The following ROS1 variants were observed in gnomAD, a reference collection of about 807,000 sequenced individuals.
The protein encoded by ROS1 is ROS proto-oncogene 1, receptor tyrosine kinase, also known as proto-oncogene tyrosine-protein kinase ROS.
A neutral mutation model predicts 273.5 loss-of-function variants in ROS1; 263 were observed. That is an observed-to-expected ratio of 0.96 (90% CI 0.87 to 1.06). The LOEUF is 1.06. Ranked by LOEUF, ROS1 falls within the 50% of genes least tolerant of loss-of-function variation. The probability of loss-of-function intolerance (pLI) is 0.00; values close to 1 mark genes in which losing one functional copy is unlikely to be tolerated. For missense variants in ROS1, 2,833 were observed against 2,751.1 expected (o/e 1.03, Z -0.67); for synonymous variants, 1,008 against 954.1 (o/e 1.06, Z -1.04).
rs142826369 is a variant in ROS1 at position 117,359,871 on chromosome 6, C to T, written c.3571G>A (p.Gly1191Arg). The change falls in exon 24 of 44, where the codon GGA (glycine) becomes AGA (arginine). Residue 1191 changes from glycine to arginine, a missense_variant. Transcript: ENST00000368507. ...AGTGAGTCCCCTTCAGCATAATATC[C>T]CATCTCATTATCAGCTGTGTAGCAA... ...AVCYTADNEM[G>R]YYAEGDSLFL... is the part of the protein sequence containing the mutation. 4.5e-5 allele frequency: 72 copies of T among 1,613,714 alleles called. No individual in the cohort carries two copies. Among genetic ancestry groups the T allele is most frequent in the Non-Finnish European group, 5.9e-5 (70 of 1,179,904 alleles).
In ROS1 at chr6:117,358,000, C is replaced by G; in HGVS notation, c.3643G>C (p.Asp1215His). The G allele has an allele frequency of 6.2e-7, 1 of 1,611,530 alleles. No individual in the cohort carries two copies. Among genetic ancestry groups the G allele is most frequent in the South Asian group, 1.1e-5 (1 of 90,890 alleles). The stretch of plus-strand genomic sequence containing the variant: ...ACTGTGATATCAAAAACCAGTGAAT[C>G]TTGGAAAAGCTTAACAACAGGTAGA... ...HNRSSSELFQ[D>H]SLVFDITVIT... The change falls in exon 25 of 44, where the codon GAT becomes CAT. Residue 1215 changes from aspartate (D) to histidine (H), a missense_variant. Transcript: ENST00000368507.
chr6:117,316,324 C>T (rs1040118986), intron 39 of ROS1, among the ~76,000 whole-genome samples: 1 of 151,560 alleles, frequency 6.6e-6, no homozygotes, highest in Non-Finnish European at 1.5e-5. Context: ...AGGAATGAGG[C>T]AGTGCACAGG....
Position 117,356,770 on chromosome 6 carries a change from A to T in ROS1, c.3985T>A (p.Phe1329Ile), listed in dbSNP as rs1438970357. ...ATAGCCATTGCTCCACTTAACTCAA[A>T]TTCAGTCACATTACAAGAACATTGA... is the stretch of plus-strand genomic sequence containing the variant. Reference protein sequence around the residue: ...RNQCSCNVTEFELSGAMAIDT... With the variant: ...RNQCSCNVTEIELSGAMAIDT... The change falls in exon 26 of 44, where the codon TTT (phenylalanine) becomes ATT (isoleucine). Residue 1329 changes from phenylalanine to isoleucine, a missense_variant. Phe to Ile is a conservative substitution (Grantham distance 21). Coordinates refer to ENST00000368507, the MANE Select transcript of ROS1 (RefSeq NM_001378902.1). 1 of 1,614,164 alleles carries T rather than the reference A, an allele frequency of 6.2e-7. No individual in the cohort carries two copies.
chr6:117,297,812 G>T (rs1341307703), intron 43 of ROS1, among the ~76,000 whole-genome samples: 1 of 152,136 alleles, frequency 6.6e-6, no homozygotes, highest in Non-Finnish European at 1.5e-5. Flanking sequence ...ACAGTATGGA[G>T]ATTTCTCAAA....
At chr6:117,410,689 T>G (rs1387250727) in intron 4 of ROS1, among the ~76,000 whole-genome samples, 2 of 152,176 alleles carry the variant, frequency 1.3e-5, no homozygotes, top group Non-Finnish European at 2.9e-5. Context: ...TAGGACAACA[T>G]GCTATTGTTT....
rs773904563 is a variant in ROS1, at chr6:117,342,545, C to G, written c.4507-1G>C. ...TAAGAGCTATACTGTCCTGAAATTCCTGTAATTGATTTTTTAAAAATCAAC... is the reference window on the plus strand; with the variant it reads ...TAAGAGCTATACTGTCCTGAAATTCGTGTAATTGATTTTTTAAAAATCAAC... On this transcript the variant is annotated splice_acceptor_variant, in intron 28 of 43. Transcript: ENST00000368507. LOFTEE classifies it high-confidence loss of function. The G allele has an allele frequency of 3.4e-6, 5 of 1,466,032 alleles. No homozygotes were observed. The South Asian group carries it at 7.0e-5, about 21-fold the overall frequency. The allele number at this position is 1,466,032 out of a possible 1,614,324, so 90.8% of individuals were successfully genotyped here.
chr6:117,310,035 T>C (rs1283050945), intron 41 of ROS1, 46 bp downstream of exon 41: 2 of 1,498,754 alleles, frequency 1.3e-6, no homozygotes, highest in East Asian at 2.3e-5. Context: ...TCCCCTCTAA[T>C]GTTTGATGAT....
In ROS1 at chr6:117,326,480, GATC is replaced by G. The variant is rs549115175; in HGVS notation, c.5349-69_5349-67del. The G allele has an allele frequency of 8.4e-4, 842 of 996,550 alleles. 7 individuals are homozygous for G. In the Middle Eastern group the frequency reaches 0.015, roughly 17 times the overall value. The allele number at this position is 996,550 out of a possible 1,614,324, so 61.7% of individuals were successfully genotyped here. A position where few individuals can be genotyped will look rare whatever the true frequency, so the allele number is the denominator to read the frequency against. On this transcript the variant is annotated intron_variant, in intron 33 of 43. Transcript: ENST00000368507. ...TACCTGTTATTTCTAGTTGTTCATA[GATC>G]TTCTTAGTGACTGAACGCCAGAGAG...
chr6:117,321,015 G>C (rs996333467), intron 36 of ROS1, among the ~76,000 whole-genome samples: 13 of 151,968 alleles, frequency 8.6e-5, no homozygotes, highest in Non-Finnish European at 1.9e-4. Context: ...TCTTTCATTT[G>C]TTTTTGAGCT....
intron 32 of ROS1, among the ~76,000 whole-genome samples, chr6:117,330,367 G>A (rs1316444800): frequency 2.0e-5 from 3 of 152,204 alleles, no homozygotes; most frequent in East Asian, 1.9e-4. Flanking sequence ...CAGTCTCTGC[G>A]GACCAACAGA....
intron 33 of ROS1, among the ~76,000 whole-genome samples, chr6:117,327,744 A>G (rs1354845364): frequency 6.6e-6 from 1 of 152,246 alleles, no homozygotes; most frequent in Non-Finnish European, 1.5e-5. Context: ...GACCTTGTTT[A>G]GAAATAAGAT....
chr6:117,314,752 C>T (rs942115966), intron 39 of ROS1, among the ~76,000 whole-genome samples: 15 of 152,088 alleles, frequency 9.9e-5, no homozygotes, highest in East Asian at 1.9e-4. Context: ...AGAGGAGAAA[C>T]GAGCAATTTC....
chr6:117,356,829 T>C lies in ROS1; in HGVS notation c.3926A>G (p.Gln1309Arg). The C allele has an allele frequency of 6.2e-7, 1 of 1,614,164 alleles. No individual in the cohort carries two copies. Among genetic ancestry groups the C allele is most frequent in the Non-Finnish European group, 8.5e-7 (1 of 1,180,032 alleles). ...GTTTTGTTGGTTTGTAGCTGTGGGT[T>C]GCAGAATTCGGTGCAAGGTGTGACT... ...IISHTLHRIL[Q>R]PTATNQQNKR... Residue 1309 changes from glutamine to arginine, a missense_variant, in exon 26 of 44, where the codon CAA becomes CGA. Physicochemically the swap from Gln to Arg is conservative, Grantham distance 43. Transcript: ENST00000368507.
intron 43 of ROS1, among the ~76,000 whole-genome samples, chr6:117,291,078 C>T (rs1264280735): frequency 6.6e-6 from 1 of 152,178 alleles, no homozygotes; most frequent in Non-Finnish European, 1.5e-5. Context: ...AGTTTTTTCT[C>T]TCTTCCCTGC....
intron 11 of ROS1, among the ~76,000 whole-genome samples, chr6:117,393,774 G>A (rs902268772): frequency 8.5e-5 from 13 of 152,144 alleles, no homozygotes; most frequent in African/African-American, 3.1e-4. Context: ...CAGTACTACT[G>A]TGTTTTTGGA....
At chr6:117,410,994 CA>C (rs1774857173) in intron 4 of ROS1, among the ~76,000 whole-genome samples, 2 of 152,090 alleles carry the variant, frequency 1.3e-5, no homozygotes, top group South Asian at 2.1e-4. Flanking sequence ...TATTATATAA[CA>C]TGAGGGGTTT....
intron 4 of ROS1, among the ~76,000 whole-genome samples, chr6:117,412,996 T>G (rs185284052): frequency 6.6e-6 from 1 of 152,254 alleles, no homozygotes; most frequent in East Asian, 1.9e-4. Flanking sequence ...TCTCTTTACA[T>G]ATGGGTGACT....
At chr6:117,378,719 A>G (rs1781542411) in intron 18 of ROS1, among the ~76,000 whole-genome samples, 1 of 152,042 alleles carries the variant, frequency 6.6e-6, no homozygotes, top group African/African-American at 2.4e-5. Context: ...TCACTCTCTA[A>G]TTTTCATTTA....
At chr6:117,336,497 A>G (rs1482278791) in intron 32 of ROS1, among the ~76,000 whole-genome samples, 1 of 152,138 alleles carries the variant, frequency 6.6e-6, no homozygotes, top group Non-Finnish European at 1.5e-5. Context: ...GCAAAAAAAC[A>G]TTATCTCATT....
Sources: gnomAD v4.1 joint callset for allele counts (sites outside exome capture counted in the v4.1 genomes callset) on GRCh38, gnomAD v4.1.1 for gene constraint, MANE v1.5 for transcripts, NCBI Gene and HGNC (gene_info 2026-07-23, HGNC 2026-07-21) for gene names.